The following OVCH2 variants were observed in gnomAD, a reference collection of about 807,000 sequenced individuals.
The protein encoded by OVCH2 is ovochymase-2.
A neutral mutation model predicts 73.7 loss-of-function variants in OVCH2; 88 were observed. That is an observed-to-expected ratio of 1.19 (90% CI 1.01 to 1.43). OVCH2 has a LOEUF of 1.43. OVCH2 is among the 40% of genes most tolerant of loss of function. The pLI is 0.00. For missense variants in OVCH2, 706 were observed against 674.5 expected (o/e 1.05, Z -0.52); for synonymous variants, 265 against 234.5 (o/e 1.13, Z -1.19).
chr11:7,694,040 CCA>C (rs1856272921), intron 12 of OVCH2, among the ~76,000 whole-genome samples: 2 of 152,190 alleles, frequency 1.3e-5, no homozygotes, highest in African/African-American at 4.8e-5. Flanking sequence ...GGTTCTCCTC[CCA>C]CATCTCAGAG....
At chr11:7,688,853 ATAG>A (rs1856171188), downstream of OVCH2, among the ~76,000 whole-genome samples, 2 of 152,236 alleles carry the variant, frequency 1.3e-5, no homozygotes, top group Admixed American at 1.3e-4. Flanking sequence ...GCACTAGAAC[ATAG>A]TAGTATACTT....
intron 6 of OVCH2, 31 bp from the exon 7 acceptor site, chr11:7,700,516 A>C (rs768446118): frequency 1.3e-6 from 2 of 1,567,370 alleles, no homozygotes; most frequent in Non-Finnish European, 1.7e-6. Context: ...TATTAGCATC[A>C]CTGTCAGTGT....
At chr11:7,704,516 C>A in intron 2 of OVCH2, 49 bp downstream of exon 2, 1 of 1,282,208 alleles carries the variant, frequency 7.8e-7, no homozygotes, top group Non-Finnish European at 1.1e-6. Context: ...ATATCTATAT[C>A]CATAATATCT....
At position 7,701,761 on chromosome 11, in the gene OVCH2, C is replaced by T; in HGVS notation, c.514G>A (p.Ala172Thr). Residue 172 changes from alanine to threonine, a missense_variant, in exon 5 of 16, where the codon GCT (alanine) becomes ACT (threonine). Transcript: ENST00000533663. ...CLPELREQFE[A>T]GFICTTAGWG... is the part of the protein sequence containing the mutation. ...CCTGCAGTTGTACAAATAAAACCAG[C>T]CTCAAATTGCTCCCGCAGCTCTGGA... 6.2e-7 allele frequency: 1 copy of T among 1,612,718 alleles called. No individual in the cohort carries two copies. The highest frequency in any genetic ancestry group is 2.2e-5 in the East Asian group (1 of 44,774).
At chr11:7,703,281 G>A (rs769081799) in intron 3 of OVCH2, among the ~76,000 whole-genome samples, 3 of 152,166 alleles carry the variant, frequency 2.0e-5, no homozygotes, top group Admixed American at 6.5e-5. Flanking sequence ...GGATCAATGG[G>A]AAGGAAGACA....
intron 4 of OVCH2, 29 bp from the exon 5 acceptor site, chr11:7,701,840 C>G (rs1856445399): frequency 1.9e-6 from 3 of 1,568,232 alleles, no homozygotes; most frequent in Non-Finnish European, 2.6e-6. Context: ...TAGGGCTTGT[C>G]TCATTCATGG....
chr11:7,706,279 GTAATTA>G, intron 1 of OVCH2, 22 bp downstream of exon 1: 1 of 1,556,540 alleles, frequency 6.4e-7, no homozygotes, highest in Non-Finnish European at 8.7e-7. Context: ...TCAGACAAAG[GTAATTA>G]TAGAGTTCAT....
rs556498561 is a variant in OVCH2 at position 7,695,075 on chromosome 11, T to G, written c.1396A>C (p.Lys466Gln). The part of the protein sequence containing the change: ...ANCDWIFQAS[K>Q]HHLIKLSFQS... ...GTCAATACCTTAATTAGGTGATGTT[T>G]GGAGGCTTGAAAAATCCAGTCACAG... The change falls in exon 12 of 16, where the codon AAA becomes CAA. Residue 466 changes from lysine to glutamine, a missense_variant. Coordinates refer to ENST00000533663, the MANE Select transcript of OVCH2 (RefSeq NM_198185.7). 8 of 1,551,226 alleles carry G rather than the reference T, an allele frequency of 5.2e-6. No individual in the cohort carries two copies. The East Asian group carries it at 2.0e-4, about 38-fold the overall frequency.
At chr11:7,702,125 T>C (rs1484716241) in intron 4 of OVCH2, 32 bp downstream of exon 4, 31 of 1,548,604 alleles carry the variant, frequency 2.0e-5, no homozygotes, top group Non-Finnish European at 2.6e-5. Context: ...GAACATGGGG[T>C]AGACAATTCA....
intron 9 of OVCH2, 35 bp from the exon 10 acceptor site, chr11:7,696,624 G>A (rs780995621): frequency 1.2e-6 from 2 of 1,613,856 alleles, no homozygotes; most frequent in African/African-American, 1.3e-5. Flanking sequence ...GTTATTTCTA[G>A]ACAGAAAACG....
At chr11:7,695,822 G>A in intron 10 of OVCH2, 112 bp from the exon 11 acceptor site, 1 of 1,391,586 alleles carries the variant, frequency 7.2e-7, no homozygotes, top group Non-Finnish European at 9.9e-7. Flanking sequence ...CCAATCCAAA[G>A]TTTCTCAGTC....
In OVCH2 at chr11:7,691,969, T is replaced by A; in HGVS notation, c.1440A>T (p.Glu480Asp). The A allele has an allele frequency of 6.4e-7, 1 of 1,574,630 alleles. No individual in the cohort carries two copies. ...IKLSFQSLEI[E>D]ESGDCTSDYV... is the part of the protein sequence containing the mutation. ...AGTCGGAAGTGCAGTCTCCACTTTC[T>A]TCTATTTCCAGACTCTGAAATGAAA... Residue 480 changes from glutamate to aspartate, a missense_variant, in exon 13 of 16, where the codon GAA becomes GAT. By Grantham distance (45) the Glu-to-Asp change is conservative. Transcript: ENST00000533663.
In OVCH2 at chr11:7,706,383, G is replaced by A. The variant is rs1402870712; in HGVS notation, c.12C>T (p.Ser4=). 6.4e-7 allele frequency: 1 copy of A among 1,574,392 alleles called. No homozygotes were observed. Among genetic ancestry groups the A allele is most frequent in the African/African-American group, 1.3e-5 (1 of 74,410 alleles). The change falls in exon 1 of 16, where the codon AGC becomes AGT. Residue 4 remains serine, a synonymous_variant. Transcript: ENST00000533663. The part of the protein sequence containing the change: MLI[S]RNKLILLLGI... ...CTAGTAGTAAAATCAGCTTGTTCCT[G>A]CTTATAAGCATTTTGAGACTCATAG...
the OVCH2 span, among the ~76,000 whole-genome samples, chr11:7,679,687 A>T: frequency 2.0e-5 from 3 of 152,152 alleles, no homozygotes; most frequent in Non-Finnish European, 2.9e-5. Flanking sequence ...TTTATAAATT[A>T]TCCAGTCAGT....
chr11:7,696,187 T>C (rs1856328415), intron 10 of OVCH2, among the ~76,000 whole-genome samples: 1 of 152,184 alleles, frequency 6.6e-6, no homozygotes, highest in African/African-American at 2.4e-5. Context: ...GGCCCTGGAA[T>C]ATATCTAGAG....
rs1856341417 is a variant in OVCH2, at chr11:7,696,689, G to A, written c.1016+20C>T. On this transcript the variant is annotated intron_variant, in intron 9 of 15. Transcript: ENST00000533663. The stretch of plus-strand genomic sequence containing the variant: ...CCGGAGGTGGGAGTAAGGAGGAGGA[G>A]TACAAAGGGGGTTACTCACTGCTTG... 1 of 1,613,852 alleles carries A rather than the reference G, an allele frequency of 6.2e-7. No individual in the cohort carries two copies. The highest frequency in any genetic ancestry group is 8.5e-7 in the Non-Finnish European group (1 of 1,179,792).
chr11:7,680,723 A>G, the OVCH2 span, among the ~76,000 whole-genome samples: 1 of 152,244 alleles, frequency 6.6e-6, no homozygotes, highest in Non-Finnish European at 1.5e-5. Context: ...ACTATTTCAT[A>G]CTTCTTGCTT....
chr11:7,693,925 C>T (rs998136740), intron 12 of OVCH2, among the ~76,000 whole-genome samples: 2 of 152,166 alleles, frequency 1.3e-5, no homozygotes, highest in South Asian at 2.1e-4. Context: ...TAAGTTCTAA[C>T]TTAGTGTGGT....
At chr11:7,691,726 CCCTT>C (rs754377994) in intron 13 of OVCH2, among the ~76,000 whole-genome samples, 172 bp downstream of exon 13, 1 of 152,138 alleles carries the variant, frequency 6.6e-6, no homozygotes, top group Non-Finnish European at 1.5e-5. Context: ...CTTTGATTCT[CCCTT>C]TTTCTCTTCC....
Sources: allele counts gnomAD v4.1 joint callset (sites outside exome capture counted in the v4.1 genomes callset), GRCh38; gene constraint gnomAD v4.1.1; transcripts MANE v1.5; gene names NCBI Gene and HGNC (gene_info 2026-07-23, HGNC 2026-07-21).